HGF: variants seen among roughly 807,000 people sequenced by gnomAD.
HGF encodes fibroblast-derived tumor cytotoxic factor.
In HGF, 39 loss-of-function variants were observed where a neutral mutation model predicts 111.6. The observed-to-expected ratio is 0.35, with a 90% CI of 0.27 to 0.46. HGF has a LOEUF of 0.46. Ranked by LOEUF, HGF falls within the 20% of genes least tolerant of loss-of-function variation. The pLI, the probability that HGF is intolerant of heterozygous loss-of-function variation, is 1.00. For missense variants in HGF, 735 were observed against 910.5 expected (o/e 0.81, Z 2.48); for synonymous variants, 285 against 294.8 (o/e 0.97, Z 0.34).
chr7:81,742,157 A>G (rs1450632381), intron 7 of HGF, among the ~76,000 whole-genome samples: 5 of 152,184 alleles, frequency 3.3e-5, no homozygotes, highest in African/African-American at 1.2e-4. Flanking sequence ...ACATGATTCA[A>G]TTTCCTTGGA....
chr7:81,748,917 G>GTGATAT (rs960521078), intron 5 of HGF, among the ~76,000 whole-genome samples: 1 of 152,134 alleles, frequency 6.6e-6, no homozygotes, highest in African/African-American at 2.4e-5. Flanking sequence ...TCATAAAACA[G>GTGATAT]GAGTGATATG....
intron 11 of HGF, among the ~76,000 whole-genome samples, chr7:81,713,772 G>A (rs531877195): frequency 1.3e-4 from 20 of 152,040 alleles, no homozygotes; most frequent in Admixed American, 3.9e-4. Flanking sequence ...TACTTTCTAT[G>A]CCTTTTCCAT....
At chr7:81,726,954 C>A (rs181836403) in intron 8 of HGF, among the ~76,000 whole-genome samples, 141 of 151,782 alleles carry the variant, frequency 9.3e-4, no homozygotes, top group African/African-American at 3.2e-3. Context: ...CTTTTGGAAA[C>A]CACAGTATTT....
At chr7:81,741,253 G>A (rs979999711) in intron 7 of HGF, among the ~76,000 whole-genome samples, 10 of 151,960 alleles carry the variant, frequency 6.6e-5, no homozygotes, top group Non-Finnish European at 1.5e-4. Flanking sequence ...TTAAATTTGA[G>A]TGATATAGGT....
Position 81,717,363 on chromosome 7 carries a change from T to C in HGF, c.1274A>G (p.His425Arg). 6.2e-7 allele frequency: 1 copy of C among 1,613,504 alleles called. No homozygotes were observed. The highest frequency in any genetic ancestry group is 8.5e-7 in the Non-Finnish European group (1 of 1,179,522). The change falls in exon 11 of 18, where the codon CAT becomes CGT. Residue 425 changes from histidine (H) to arginine (R), a missense_variant and splice_region_variant. This residue lies in a region of HGF where 553 missense variants were observed against 685.6 expected (regional missense o/e 0.81). Coordinates refer to ENST00000222390, the MANE Select transcript of HGF (RefSeq NM_000601.6). ...ACTTGCATCTGGTTCCCAGAAGATA[T>C]GACTGTGGAAACAACAGGCCTTGCA... ...WDKNMEDLHR[H>R]IFWEPDASKL...
chr7:81,731,562 A>G (rs988187883), intron 7 of HGF, among the ~76,000 whole-genome samples: 1 of 152,186 alleles, frequency 6.6e-6, no homozygotes, highest in African/African-American at 2.4e-5. Context: ...ATACTATCCA[A>G]AGGTCTTTGG....
At chr7:81,741,539 A>T (rs1371016236) in intron 7 of HGF, among the ~76,000 whole-genome samples, 1 of 151,434 alleles carries the variant, frequency 6.6e-6, no homozygotes, top group Non-Finnish European at 1.5e-5. Flanking sequence ...TGTGCATGCC[A>T]GTTGGGTGAA....
chr7:81,751,228 T>C (rs1788483691), intron 5 of HGF: 2 of 962,514 alleles, frequency 2.1e-6, no homozygotes, highest in Admixed American at 6.2e-5. Flanking sequence ...ATTCCAGTAG[T>C]CCCCCTCCCC....
At chr7:81,763,824 A>G (rs1376374720) in intron 1 of HGF, among the ~76,000 whole-genome samples, 1 of 152,112 alleles carries the variant, frequency 6.6e-6, no homozygotes, top group African/African-American at 2.4e-5. Flanking sequence ...TGCTTATACC[A>G]AAGGCAGTAA....
chr7:81,720,838 C>T lies in HGF; in HGVS notation c.1178G>A (p.Arg393His), dbSNP rs745919057. ...CDMSHGQDCY[R>H]GNGKNYMGNL... ...GCCCATATAATTTTTGCCATTCCCA[C>T]GATAACAATCTAGACATAAAATATA... The change falls in exon 10 of 18, where the codon CGT (arginine) becomes CAT (histidine). Residue 393 changes from arginine (R) to histidine (H), a missense_variant. This residue lies in a region of HGF where 553 missense variants were observed against 685.6 expected (regional missense o/e 0.81). Transcript: ENST00000222390. The T allele has an allele frequency of 1.4e-5, 22 of 1,570,518 alleles. No homozygotes were observed. Among genetic ancestry groups the T allele is most frequent in the East Asian group, 4.5e-5 (2 of 44,618 alleles).
At chr7:81,752,688 A>G (rs1403153908) in intron 4 of HGF, among the ~76,000 whole-genome samples, 2 of 152,098 alleles carry the variant, frequency 1.3e-5, no homozygotes, top group East Asian at 3.9e-4. Flanking sequence ...TTGTTTGTTT[A>G]TTGCTTTTCT....
Position 81,717,290 on chromosome 7 carries a change from T to A in HGF, c.1347A>T (p.Gly449=). 6.2e-7 allele frequency: 1 copy of A among 1,613,282 alleles called. No homozygotes were observed. The highest frequency in any genetic ancestry group is 8.5e-7 in the Non-Finnish European group (1 of 1,179,224). The change falls in exon 11 of 18, where the codon GGA becomes GGT. Residue 449 remains glycine, a synonymous_variant. Coordinates refer to ENST00000222390, the MANE Select transcript of HGF (RefSeq NM_000601.6). ...YCRNPDDDAH[G]PWCYTGNPLI... The stretch of plus-strand genomic sequence containing the variant: ...GTGGATTTCCCGTGTAGCACCAGGG[T>A]CCATGAGCATCATCATCTGGATTTC...
chr7:81,758,688 T>G lies in HGF; in HGVS notation c.367+4A>C, dbSNP rs1437676836. On this transcript the variant is annotated splice_donor_region_variant and intron_variant, in intron 3 of 17. Coordinates refer to ENST00000222390, the MANE Select transcript of HGF (RefSeq NM_000601.6). ...TATGCAATATTTAGGGAGAAGTCAG[T>G]TACCTTTGTTTTCATAGAGGTCAAA... The G allele has an allele frequency of 6.6e-7, 1 of 1,515,598 alleles. No individual in the cohort carries two copies. Among genetic ancestry groups the G allele is most frequent in the Non-Finnish European group, 9.2e-7 (1 of 1,091,220 alleles). 93.9% of individuals were successfully genotyped at this position (1,515,598 alleles called of 1,614,324 possible). A position where few individuals can be genotyped will look rare whatever the true frequency, so the allele number is the denominator to read the frequency against.
At chr7:81,740,607 C>T (rs1373315628) in intron 7 of HGF, among the ~76,000 whole-genome samples, 1 of 152,134 alleles carries the variant, frequency 6.6e-6, no homozygotes, top group East Asian at 1.9e-4. Flanking sequence ...ATTAGGTTAG[C>T]TCTTTAAAAG....
intron 13 of HGF, among the ~76,000 whole-genome samples, chr7:81,708,084 C>G (rs1333619971): frequency 6.6e-6 from 1 of 152,012 alleles, no homozygotes; most frequent in Non-Finnish European, 1.5e-5. Context: ...AAAAGCACAA[C>G]TTTTCATAAT....
chr7:81,762,886 A>G lies in HGF; in HGVS notation c.89-14T>C. 1 of 1,408,786 alleles carries G rather than the reference A, an allele frequency of 7.1e-7. No individual in the cohort carries two copies. The highest frequency in any genetic ancestry group is 1.0e-6 in the Non-Finnish European group (1 of 1,000,380). 87.3% of individuals were successfully genotyped at this position (1,408,786 alleles called of 1,614,324 possible). On this transcript the variant is annotated splice_polypyrimidine_tract_variant and intron_variant, in intron 1 of 17. Coordinates refer to ENST00000222390, the MANE Select transcript of HGF (RefSeq NM_000601.6). Reference sequence around the variant, plus strand: ...TCCTTTGTCCCTCTATTAAATACAAAATGTTTTAAAAAAATAAACATTGGA... The same window carrying G: ...TCCTTTGTCCCTCTATTAAATACAAGATGTTTTAAAAAAATAAACATTGGA...
intron 1 of HGF, among the ~76,000 whole-genome samples, chr7:81,766,392 A>G (rs1465415810): frequency 6.6e-6 from 1 of 152,170 alleles, no homozygotes; most frequent in Non-Finnish European, 1.5e-5. Flanking sequence ...TAATTAATGG[A>G]AGGGAATGGT....
At chr7:81,758,468 G>T (rs1368262113) in intron 3 of HGF, among the ~76,000 whole-genome samples, 1 of 151,938 alleles carries the variant, frequency 6.6e-6, no homozygotes, top group African/African-American at 2.4e-5. Flanking sequence ...GAGGGAGGAA[G>T]GGAATCAAGA....
At chr7:81,726,584 G>T (rs1790018554) in intron 8 of HGF, among the ~76,000 whole-genome samples, 1 of 151,880 alleles carries the variant, frequency 6.6e-6, no homozygotes. Flanking sequence ...TAATTACAAA[G>T]CAATTATTTA....
Sources: allele counts gnomAD v4.1 joint callset (sites outside exome capture counted in the v4.1 genomes callset), GRCh38; gene constraint gnomAD v4.1.1; regional missense constraint gnomAD v4.1.1; transcripts MANE v1.5; gene names NCBI Gene and HGNC (gene_info 2026-07-23, HGNC 2026-07-21).